The following SDCCAG8 variants were observed in gnomAD, a reference collection of about 807,000 sequenced individuals.
The protein encoded by SDCCAG8 is serologically defined colon cancer antigen 8.
A neutral mutation model predicts 101.8 loss-of-function variants in SDCCAG8; 74 were observed. The ratio of observed to expected loss-of-function variants is 0.73; its 90% CI spans 0.60 to 0.88. The LOEUF (loss-of-function observed/expected upper bound fraction) is 0.88. Ranked by LOEUF, SDCCAG8 falls within the 40% of genes least tolerant of loss-of-function variation. SDCCAG8 has a pLI of 0.00. For synonymous variants in SDCCAG8, 281 were observed against 292.9 expected (o/e 0.96, Z 0.41); for missense variants, 787 against 822.6 (o/e 0.96, Z 0.53).
intron 17 of SDCCAG8, among the ~76,000 whole-genome samples, chr1:243,491,132 T>G (rs940593909): frequency 6.6e-6 from 1 of 152,224 alleles, no homozygotes; most frequent in African/African-American, 2.4e-5. Flanking sequence ...AACGTGGGCT[T>G]TGCCTTTTAA....
chr1:243,348,049 T>C (rs2075831423), intron 12 of SDCCAG8, among the ~76,000 whole-genome samples: 1 of 146,942 alleles, frequency 6.8e-6, no homozygotes, highest in Non-Finnish European at 1.5e-5. Context: ...TTTTTTTTTT[T>C]TTTTAGGACG....
intron 5 of SDCCAG8, among the ~76,000 whole-genome samples, chr1:243,292,418 A>C (rs1002750305): frequency 4.6e-5 from 7 of 152,156 alleles, no homozygotes; most frequent in African/African-American, 1.7e-4. Flanking sequence ...ATTTTAACGA[A>C]AGATGCTCCT....
intron 6 of SDCCAG8, among the ~76,000 whole-genome samples, chr1:243,294,126 C>T (rs1280261902): frequency 5.3e-5 from 8 of 152,054 alleles, no homozygotes; most frequent in Non-Finnish European, 7.4e-5. Context: ...GTTTCTCGAG[C>T]GTAGTTTCTG....
intron 7 of SDCCAG8, chr1:243,307,416 GAA>G: frequency 9.2e-6 from 9 of 983,112 alleles, no homozygotes; most frequent in Non-Finnish European, 1.1e-5. Context: ...GATCTTTGTA[GAA>G]GTTTGTCGTT....
chr1:243,291,791 A>ATCAGACCCACAGGTTAAGGGC (rs1390438871), intron 5 of SDCCAG8, among the ~76,000 whole-genome samples: 2 of 152,204 alleles, frequency 1.3e-5, no homozygotes, highest in Non-Finnish European at 1.5e-5. Flanking sequence ...ACTACACAGT[A>ATCAGACCCACAGGTTAAGGGC]TCAGACCCAC....
chr1:243,405,206 T>C (rs1015010215), intron 13 of SDCCAG8, among the ~76,000 whole-genome samples: 1 of 152,134 alleles, frequency 6.6e-6, no homozygotes, highest in African/African-American at 2.4e-5. Flanking sequence ...TAGCTGTAAA[T>C]TGAGGTATAA....
At chr1:243,336,748 C>T (rs1244297893) in intron 10 of SDCCAG8, among the ~76,000 whole-genome samples, 1 of 152,148 alleles carries the variant, frequency 6.6e-6, no homozygotes, top group East Asian at 1.9e-4. Context: ...CCATATCATT[C>T]ATGAGTGATC....
chr1:243,383,950 T>C (rs1173984942), intron 13 of SDCCAG8, among the ~76,000 whole-genome samples: 1 of 152,144 alleles, frequency 6.6e-6, no homozygotes, highest in African/African-American at 2.4e-5. Context: ...ATTATAATCT[T>C]ACCTTCTTAC....
chr1:243,490,672 C>T (rs1047134352), intron 17 of SDCCAG8, among the ~76,000 whole-genome samples: 3 of 152,224 alleles, frequency 2.0e-5, no homozygotes, highest in Non-Finnish European at 2.9e-5. Flanking sequence ...GCCCCACGGG[C>T]CCTTGGGCAC....
At chr1:243,399,422 T>C (rs887115663) in intron 13 of SDCCAG8, among the ~76,000 whole-genome samples, 1 of 152,244 alleles carries the variant, frequency 6.6e-6, no homozygotes, top group Admixed American at 6.5e-5. Flanking sequence ...TTACTGGTTC[T>C]TGAAACAAAC....
At chr1:243,375,429 TA>T (rs2077543836) in intron 12 of SDCCAG8, among the ~76,000 whole-genome samples, 3 of 152,132 alleles carry the variant, frequency 2.0e-5, no homozygotes, top group Admixed American at 2.0e-4. Flanking sequence ...TGCCCATGAT[TA>T]AGAAAAAAAC....
At chr1:243,411,021 GC>G (rs1243967553) in intron 13 of SDCCAG8, among the ~76,000 whole-genome samples, 1 of 152,168 alleles carries the variant, frequency 6.6e-6, no homozygotes, top group Non-Finnish European at 1.5e-5. Flanking sequence ...GCCTACATAC[GC>G]CTGGATTACA....
chr1:243,381,999 G>A (rs1237705089), intron 13 of SDCCAG8, among the ~76,000 whole-genome samples: 1 of 152,164 alleles, frequency 6.6e-6, no homozygotes, highest in Non-Finnish European at 1.5e-5. Flanking sequence ...GAGTTCATGA[G>A]TAAGAATTCT....
intron 16 of SDCCAG8, among the ~76,000 whole-genome samples, chr1:243,461,881 T>C (rs1338433288): frequency 6.6e-6 from 1 of 152,162 alleles, no homozygotes; most frequent in Non-Finnish European, 1.5e-5. Flanking sequence ...TACTGCTTGT[T>C]CCCATGTGCA....
chr1:243,271,588 G>A (rs1053896543), intron 3 of SDCCAG8, among the ~76,000 whole-genome samples: 1 of 151,738 alleles, frequency 6.6e-6, no homozygotes, highest in Non-Finnish European at 1.5e-5. Context: ...TGTTGCTCAG[G>A]CTAGAGTGCA....
chr1:243,472,925 T>C (rs2148196074), intron 16 of SDCCAG8, among the ~76,000 whole-genome samples: 1 of 152,354 alleles, frequency 6.6e-6, no homozygotes, highest in East Asian at 1.9e-4. Flanking sequence ...CACCAGAAAT[T>C]TCAGATAAAG....
intron 12 of SDCCAG8, among the ~76,000 whole-genome samples, chr1:243,371,158 C>T (rs919631951): frequency 1.3e-5 from 2 of 152,146 alleles, no homozygotes; most frequent in East Asian, 3.9e-4. Flanking sequence ...TGGGTTGTAT[C>T]TTCTCCTTTG....
chr1:243,443,501 A>C (rs1034358063), intron 16 of SDCCAG8, among the ~76,000 whole-genome samples: 5 of 152,206 alleles, frequency 3.3e-5, no homozygotes, highest in Admixed American at 1.3e-4. Flanking sequence ...TTAGTGCAGA[A>C]GAGTTCCTGG....
At chr1:243,485,054 A>AAAAAG (rs112460513) in intron 16 of SDCCAG8, among the ~76,000 whole-genome samples, 1,880 of 149,560 alleles carry the variant, frequency 0.013, 48 homozygotes, top group African/African-American at 0.041. Flanking sequence ...AAAAAAAAAA[A>AAAAAG]AAGAAGAAGA....
Sources: gnomAD v4.1 joint callset for allele counts (sites outside exome capture counted in the v4.1 genomes callset) on GRCh38, gnomAD v4.1.1 for gene constraint, MANE v1.5 for transcripts, NCBI Gene and HGNC (gene_info 2026-07-23, HGNC 2026-07-21) for gene names.